The following PRICKLE2 variants were observed in gnomAD, a reference collection of about 807,000 sequenced individuals.
PRICKLE2 encodes the protein prickle planar cell polarity protein 2, also known as prickle-like protein 2.
PRICKLE2 carries 21 observed loss-of-function variants against 81.4 expected under a neutral mutation model. The ratio of observed to expected loss-of-function variants is 0.26; its 90% confidence interval spans 0.18 to 0.37. The LOEUF (loss-of-function observed/expected upper bound fraction) is 0.37, where lower values mean the gene tolerates loss of function less well. Among genes scored for constraint, PRICKLE2 ranks in the 10% least tolerant of loss-of-function variants. The pLI is 1.00. For synonymous variants in PRICKLE2, 456 were observed against 421.5 expected (o/e 1.08, Z -1.00); for missense variants, 940 against 1,109.0 (o/e 0.85, Z 2.16).
intron 1 of PRICKLE2, among the ~76,000 whole-genome samples, chr3:64,202,832 C>G (rs927509509): frequency 6.6e-6 from 1 of 152,086 alleles, no homozygotes; most frequent in Non-Finnish European, 1.5e-5. Context: ...GGGTGGACAT[C>G]TTTGTTGTGT....
rs776178820 is a variant in PRICKLE2, at chr3:64,147,747, G to C, written c.788-45C>G. ...TGGAGAGGCTGATGAGCTGCTCAGA[G>C]CTCTGCACTGGGACGTGAAACACAT... On this transcript the variant is annotated intron_variant, in intron 6 of 7. Transcript: ENST00000638394. The surrounding 1 kb of genome is among the most constrained non-coding windows in gnomAD (Gnocchi z 5.0). 26 of 1,608,048 alleles carry C rather than the reference G, an allele frequency of 1.6e-5. No homozygotes were observed. The highest frequency in any genetic ancestry group is 5.0e-5 in the Admixed American group (3 of 60,008).
intron 7 of PRICKLE2, among the ~76,000 whole-genome samples, chr3:64,137,312 A>G (rs544973494): frequency 2.0e-5 from 3 of 152,306 alleles, no homozygotes; most frequent in African/African-American, 7.2e-5. Context: ...CTTAAAAAAA[A>G]TCACTCTATA....
intron 2 of PRICKLE2, among the ~76,000 whole-genome samples, chr3:64,235,105 C>T (rs1163713460): frequency 1.3e-5 from 2 of 152,092 alleles, no homozygotes; most frequent in Non-Finnish European, 2.9e-5. Context: ...CTTTATTGAC[C>T]TACCTTCAAA....
At chr3:64,245,916 G>C (rs181791091) in intron 2 of PRICKLE2, among the ~76,000 whole-genome samples, 2 of 152,110 alleles carry the variant, frequency 1.3e-5, no homozygotes, top group South Asian at 4.1e-4. Context: ...ATAATTCACT[G>C]AGACTTTTCC....
At chr3:64,176,534 T>G (rs1232369201) in intron 2 of PRICKLE2, among the ~76,000 whole-genome samples, 1 of 152,224 alleles carries the variant, frequency 6.6e-6, no homozygotes. Flanking sequence ...AGTTTTCAAG[T>G]GTCCAAAGTG....
In PRICKLE2 at chr3:64,248,717, T is replaced by C. The variant is rs565580972; in HGVS notation, c.129-49750A>G. ...CCCCATCCCATTCCATACTGCAAAATGTGGCAAATCTTTGATCCTAATGAA... is the reference window on the plus strand; with the variant it reads ...CCCCATCCCATTCCATACTGCAAAACGTGGCAAATCTTTGATCCTAATGAA... On this transcript the variant is annotated intron_variant, in intron 2 of 8. Transcript: ENST00000295902. Among the ~76,000 whole-genome samples the C allele has an allele frequency of 9.4e-5, 14 of 149,196 alleles. No homozygotes were observed. In the East Asian group the frequency reaches 1.2e-3, roughly 12 times the overall value.
chr3:64,224,199 T>C (rs2078998444), intron 1 of PRICKLE2, among the ~76,000 whole-genome samples: 1 of 152,220 alleles, frequency 6.6e-6, no homozygotes, highest in African/African-American at 2.4e-5. Flanking sequence ...AAAGTCCCAC[T>C]GGACCCCAGC....
rs79818162 is a variant in PRICKLE2, at chr3:64,236,093, G to A, written c.129-37126C>T. On this transcript the variant is annotated intron_variant, in intron 2 of 8. Transcript: ENST00000295902. Reference sequence around the variant, plus strand: ...GGACAATTTCCAGAAACTTTAAAAGGTTGCTTATATTTTAAAATAATTTTC... The same window carrying A: ...GGACAATTTCCAGAAACTTTAAAAGATTGCTTATATTTTAAAATAATTTTC... Among the ~76,000 whole-genome samples the A allele has an allele frequency of 6.0e-4, 91 of 152,176 alleles. 1 individual carries two copies. In the East Asian group the frequency reaches 0.017, roughly 29 times the overall value.
At position 64,093,339 on chromosome 3, in the gene PRICKLE2, A is replaced by G. The variant is rs2076528733; in HGVS notation, c.*5712T>C. On this transcript the variant is annotated 3_prime_UTR_variant, in exon 8 of 8. Transcript: ENST00000638394. ...GCTGCTTTTATGAATATGGGTGTACAAGTATCTCTTTGGAGACCCTGCTGT... is the reference window on the plus strand; with the variant it reads ...GCTGCTTTTATGAATATGGGTGTACGAGTATCTCTTTGGAGACCCTGCTGT... 6.6e-6 allele frequency: 1 copy of G among 152,288 alleles called. No homozygotes were observed. The highest frequency in any genetic ancestry group is 1.5e-5 in the Non-Finnish European group (1 of 68,062). The allele number at this position is 152,288 out of a possible 1,614,324, so 9.4% of individuals were successfully genotyped here. A position where few individuals can be genotyped will look rare whatever the true frequency, so the allele number is the denominator to read the frequency against.
At chr3:64,266,458 C>G (rs1025538727) in intron 2 of PRICKLE2, among the ~76,000 whole-genome samples, 2 of 152,200 alleles carry the variant, frequency 1.3e-5, no homozygotes. Flanking sequence ...TAGTCAGTGA[C>G]TAAGAACACA....
chr3:64,215,163 A>G (rs1344539577), intron 1 of PRICKLE2, among the ~76,000 whole-genome samples: 5 of 152,110 alleles, frequency 3.3e-5, no homozygotes, highest in Non-Finnish European at 7.4e-5. Flanking sequence ...ACCATAGCCT[A>G]CAAGACCCTA....
intron 1 of PRICKLE2, among the ~76,000 whole-genome samples, chr3:64,209,048 T>C (rs2078741052): frequency 6.6e-6 from 1 of 152,052 alleles, no homozygotes; most frequent in African/African-American, 2.4e-5. Flanking sequence ...TATCCATCCA[T>C]CCACCTGTCT....
At chr3:64,149,444 G>A (rs1275017647) in intron 6 of PRICKLE2, among the ~76,000 whole-genome samples, 1 of 152,222 alleles carries the variant, frequency 6.6e-6, no homozygotes, top group African/African-American at 2.4e-5. Flanking sequence ...CAGTAAAACT[G>A]GCAGAATGGA....
At chr3:64,171,448 T>C (rs1026164931) in intron 2 of PRICKLE2, among the ~76,000 whole-genome samples, 1 of 152,220 alleles carries the variant, frequency 6.6e-6, no homozygotes, top group Non-Finnish European at 1.5e-5. Flanking sequence ...ATGCCAACAG[T>C]GCTGAAACTG....
At chr3:64,124,699 G>A (rs542337981) in intron 7 of PRICKLE2, among the ~76,000 whole-genome samples, 119 of 152,280 alleles carry the variant, frequency 7.8e-4, no homozygotes, top group African/African-American at 2.7e-3. Context: ...TAAGCTTATA[G>A]CATGGCTTAC....
intron 2 of PRICKLE2, among the ~76,000 whole-genome samples, chr3:64,198,071 G>T (rs1331475317): frequency 6.6e-6 from 1 of 151,880 alleles, no homozygotes; most frequent in South Asian, 2.1e-4. Flanking sequence ...AATTAGCCAG[G>T]GGTGGTGGCG....
chr3:64,184,699 TA>T (rs995912631), intron 2 of PRICKLE2, among the ~76,000 whole-genome samples: 1 of 152,120 alleles, frequency 6.6e-6, no homozygotes, highest in African/African-American at 2.4e-5. Flanking sequence ...TTCAAACTCC[TA>T]GACTCAAGCC....
At chr3:64,213,288 C>G (rs566141250) in intron 1 of PRICKLE2, among the ~76,000 whole-genome samples, 1 of 151,850 alleles carries the variant, frequency 6.6e-6, no homozygotes, top group African/African-American at 2.4e-5. Context: ...CATGTTGGCC[C>G]GGCTGGTCTC....
intron 2 of PRICKLE2, among the ~76,000 whole-genome samples, chr3:64,259,817 A>G (rs1013082739): frequency 6.6e-6 from 1 of 152,180 alleles, no homozygotes; most frequent in Non-Finnish European, 1.5e-5. Flanking sequence ...GGCAGCCACA[A>G]GAAGCCGGGA....
Sources: gnomAD v4.1 joint callset for allele counts (sites outside exome capture counted in the v4.1 genomes callset) on GRCh38, gnomAD v4.1.1 for gene constraint, Gnocchi (gnomAD v3.1) non-coding constraint, MANE v1.5 for transcripts, NCBI Gene and HGNC (gene_info 2026-07-23, HGNC 2026-07-21) for gene names.